The following FAR1 variants were observed in gnomAD, a reference collection of about 807,000 sequenced individuals.
FAR1 encodes the protein fatty acyl-CoA reductase 1, also known as male sterility domain-containing protein 2.
Under a neutral mutation model 61.1 loss-of-function variants are expected in FAR1, and 22 were observed. That is an observed-to-expected ratio of 0.36 (90% CI 0.26 to 0.51). FAR1 has a LOEUF of 0.51. Among genes scored for constraint, FAR1 ranks in the 20% least tolerant of loss-of-function variants. FAR1 has a pLI of 0.95. For synonymous variants in FAR1, 206 were observed against 209.7 expected, an observed-to-expected ratio of 0.98 and a Z score of 0.15; for missense variants, 359 against 626.9, an observed-to-expected ratio of 0.57 and a Z score of 4.56.
At chr11:13,708,371 AC>A (rs1848457004) in intron 4 of FAR1, among the ~76,000 whole-genome samples, 2 of 150,810 alleles carry the variant, frequency 1.3e-5, no homozygotes, top group Non-Finnish European at 3.0e-5. Context: ...AAAACAAAAA[AC>A]AAAAAAAAAA....
chr11:13,676,998 T>A (rs1189263612), intron 1 of FAR1, among the ~76,000 whole-genome samples: 1 of 152,246 alleles, frequency 6.6e-6, no homozygotes, highest in African/African-American at 2.4e-5. Flanking sequence ...GCCTAAGGTC[T>A]GTTGGTTATG....
At chr11:13,673,078 C>A (rs996096101) in intron 1 of FAR1, among the ~76,000 whole-genome samples, 2 of 152,190 alleles carry the variant, frequency 1.3e-5, no homozygotes, top group Non-Finnish European at 2.9e-5. Context: ...AACTTAAACA[C>A]TTATAAATTC....
intron 9 of FAR1, among the ~76,000 whole-genome samples, chr11:13,716,185 G>A (rs1848553495): frequency 6.6e-6 from 1 of 151,504 alleles, no homozygotes; most frequent in African/African-American, 2.4e-5. Context: ...TATAATTTAG[G>A]ACAGAAAAGT....
chr11:13,680,807 T>C (rs1165955503), intron 1 of FAR1, among the ~76,000 whole-genome samples: 3 of 152,114 alleles, frequency 2.0e-5, no homozygotes, highest in East Asian at 3.9e-4. Flanking sequence ...GATTTCAACA[T>C]GAGACTTGGT....
intron 2 of FAR1, among the ~76,000 whole-genome samples, chr11:13,696,414 T>C (rs1848306901): frequency 1.3e-5 from 2 of 151,994 alleles, no homozygotes; most frequent in South Asian, 4.1e-4. Flanking sequence ...GGAACAGATA[T>C]TTAAGCTGAT....
intron 4 of FAR1, among the ~76,000 whole-genome samples, chr11:13,709,538 A>G (rs534672049): frequency 6.6e-6 from 1 of 152,238 alleles, no homozygotes; most frequent in African/African-American, 2.4e-5. Context: ...ACATAATTTT[A>G]AGATAACTCA....
intron 1 of FAR1, chr11:13,685,396 G>A (rs988934513): frequency 1.7e-5 from 3 of 181,232 alleles, no homozygotes; most frequent in East Asian, 1.4e-4. Flanking sequence ...CCAATAAGAC[G>A]TGTCCAACTG....
chr11:13,687,448 C>A (rs534671341), intron 1 of FAR1, among the ~76,000 whole-genome samples: 2 of 152,196 alleles, frequency 1.3e-5, no homozygotes, highest in African/African-American at 4.8e-5. Flanking sequence ...AGATGACAGG[C>A]GCTTGTAGAT....
chr11:13,697,104 C>A (rs2134181630), intron 2 of FAR1, among the ~76,000 whole-genome samples: 1 of 152,172 alleles, frequency 6.6e-6, no homozygotes, highest in East Asian at 1.9e-4. Context: ...GGTCAAGTAC[C>A]ATGACTTATG....
chr11:13,671,375 TCAAC>T (rs1248027279), intron 1 of FAR1, among the ~76,000 whole-genome samples: 5 of 152,342 alleles, frequency 3.3e-5, no homozygotes, highest in Non-Finnish European at 7.3e-5. Flanking sequence ...GGTTTGGAAA[TCAAC>T]CAAGGCTATG....
intron 7 of FAR1, among the ~76,000 whole-genome samples, chr11:13,712,749 A>G (rs1267850833): frequency 6.6e-6 from 1 of 151,824 alleles, no homozygotes; most frequent in Non-Finnish European, 1.5e-5. Flanking sequence ...AAAAGTCTGT[A>G]TTTTTTAAAA....
chr11:13,714,522 T>G lies in FAR1; in HGVS notation c.969T>G (p.Ile323Met), dbSNP rs752373638. Residue 323 changes from isoleucine to methionine, a missense_variant, in exon 9 of 12, where the codon ATT becomes ATG. Ile to Met is a conservative substitution (Grantham distance 10, BLOSUM62 1). Around this residue, in one of 2 missense-constraint regions of FAR1, gnomAD observed 344 missense variants for 570.3 expected, o/e 0.60. Coordinates refer to ENST00000354817, the MANE Select transcript of FAR1 (RefSeq NM_032228.6). ...FHWGEVEYHV[I>M]STFKRNPLEQ... ...TTTCTTCTTCAGAGTACCATGTAAT[T>G]TCCACTTTCAAGAGGAATCCTCTCG... 1 of 1,610,810 alleles carries G rather than the reference T, an allele frequency of 6.2e-7. No homozygotes were observed. Among genetic ancestry groups the G allele is most frequent in the East Asian group, 2.2e-5 (1 of 44,702 alleles).
chr11:13,669,786 G>A (rs1440125167), intron 1 of FAR1: 1 of 151,966 alleles, frequency 6.6e-6, no homozygotes, highest in Admixed American at 6.6e-5. Context: ...ATCTCGTTTT[G>A]CCTCAGCAGC....
At chr11:13,690,647 C>T (rs1384769237) in intron 1 of FAR1, among the ~76,000 whole-genome samples, 1 of 152,172 alleles carries the variant, frequency 6.6e-6, no homozygotes, top group Non-Finnish European at 1.5e-5. Context: ...CTTTATAATA[C>T]ATCTCAATAT....
At chr11:13,703,993 A>G (rs11022940) in intron 3 of FAR1, among the ~76,000 whole-genome samples, 29,951 of 149,864 alleles carry the variant, frequency 0.2, 3,292 homozygotes, top group South Asian at 0.27. Flanking sequence ...GCAGTGAGCC[A>G]AGATCATGCC....
At position 13,727,788 on chromosome 11, in the gene FAR1, C is replaced by G. The variant is rs905399448; in HGVS notation, c.1385+105C>G. On this transcript the variant is annotated intron_variant, in intron 11 of 11. Transcript: ENST00000354817. ...TTGCTATATCTGTCATTCAAAGATG[C>G]AGATAATTTTTAATGGTAATCTCTT... The G allele has an allele frequency of 3.7e-6, 4 of 1,080,420 alleles. No homozygotes were observed. In the African/African-American group the frequency reaches 4.9e-5, roughly 13 times the overall value. The allele number at this position is 1,080,420 out of a possible 1,614,324, so 66.9% of individuals were successfully genotyped here. A position where few individuals can be genotyped will look rare whatever the true frequency, so the allele number is the denominator to read the frequency against.
chr11:13,690,311 T>C (rs762411376), intron 1 of FAR1, among the ~76,000 whole-genome samples: 116 of 152,212 alleles, frequency 7.6e-4, no homozygotes, highest in South Asian at 1.9e-3. Context: ...ATGTTTTCAT[T>C]ATATATATAT....
intron 1 of FAR1, among the ~76,000 whole-genome samples, chr11:13,675,601 G>A (rs1253638498): frequency 6.6e-6 from 1 of 152,098 alleles, no homozygotes; most frequent in Non-Finnish European, 1.5e-5. Flanking sequence ...ATCACTGTTC[G>A]TGGTTAATTT....
At chr11:13,723,387 C>CAAA in intron 10 of FAR1, 1 of 390,192 alleles carries the variant, frequency 2.6e-6, no homozygotes, top group Non-Finnish European at 4.9e-6. Flanking sequence ...AAAAAAACCC[C>CAAA]AAAAAAAAAC....
Sources: allele counts gnomAD v4.1 joint callset (sites outside exome capture counted in the v4.1 genomes callset), GRCh38; gene constraint gnomAD v4.1.1; regional missense constraint gnomAD v4.1.1; transcripts MANE v1.5; gene names NCBI Gene and HGNC (gene_info 2026-07-23, HGNC 2026-07-21).